ARL5B: variants seen among roughly 807,000 people sequenced by gnomAD.
The protein encoded by ARL5B is ARF like GTPase 5B.
ARL5B carries 10 observed loss-of-function variants against 26.9 expected under a neutral mutation model. The observed-to-expected ratio is 0.37, with a 90% CI of 0.23 to 0.63. ARL5B has a LOEUF of 0.63. Among genes scored for constraint, ARL5B ranks in the 30% least tolerant of loss-of-function variants. The probability of loss-of-function intolerance (pLI) is 0.62; values close to 1 mark genes in which losing one functional copy is unlikely to be tolerated. For synonymous variants in ARL5B, 87 were observed against 70.4 expected (o/e 1.24, Z -1.18); for missense variants, 167 against 213.9 (o/e 0.78, Z 1.37).
intron 3 of ARL5B, among the ~76,000 whole-genome samples, chr10:18,672,375 A>C (rs1407264361): frequency 6.6e-6 from 1 of 152,238 alleles, no homozygotes; most frequent in Non-Finnish European, 1.5e-5. Context: ...CATCACTTAA[A>C]ATAAAACAAG....
intron 1 of ARL5B, 113 bp downstream of exon 1, chr10:18,659,796 C>T: frequency 6.5e-7 from 1 of 1,532,726 alleles, no homozygotes; most frequent in Non-Finnish European, 8.8e-7. Context: ...GAGGAAGGGA[C>T]TTAGGCCAGG....
Position 18,659,622 on chromosome 10 carries a change from C to A in ARL5B, c.-16C>A, listed in dbSNP as rs767442886. On this transcript the variant is annotated 5_prime_UTR_variant, in exon 1 of 6. Transcript: ENST00000377275. ...CCTGCTGCCGAGGGACCCCGCGGCC[C>A]GCCCCGGTGCTCGTGATGGGGCTGA... 1.8e-5 allele frequency: 29 copies of A among 1,606,960 alleles called. No individual in the cohort carries two copies. Among genetic ancestry groups the A allele is most frequent in the Non-Finnish European group, 2.3e-5 (27 of 1,177,174 alleles).
intron 2 of ARL5B, 114 bp downstream of exon 2, chr10:18,666,749 T>G (rs1490880742): frequency 3.5e-6 from 3 of 852,230 alleles, no homozygotes; most frequent in African/African-American, 1.8e-5. Context: ...ATGTTTTTTG[T>G]TTTTTGTTTT....
intron 1 of ARL5B, among the ~76,000 whole-genome samples, chr10:18,664,911 T>A (rs991054913): frequency 2.0e-5 from 3 of 152,168 alleles, no homozygotes; most frequent in Admixed American, 1.3e-4. Context: ...TCATTTGAGT[T>A]GCTTCAAGAA....
intron 5 of ARL5B, 76 bp from the exon 6 acceptor site, chr10:18,675,092 A>T (rs45475404): frequency 8.1e-6 from 11 of 1,357,300 alleles, no homozygotes; most frequent in Non-Finnish European, 1.1e-5. Context: ...TTTGGTTAAG[A>T]CCTAAAAATA....
chr10:18,675,759 T>G lies in ARL5B; in HGVS notation c.*543T>G, dbSNP rs1242065212. 6.6e-6 allele frequency: 1 copy of G among 152,356 alleles called. No homozygotes were observed. The highest frequency in any genetic ancestry group is 1.5e-5 in the Non-Finnish European group (1 of 68,124). The allele number at this position is 152,356 out of a possible 1,614,324, so 9.4% of individuals were successfully genotyped here. On this transcript the variant is annotated 3_prime_UTR_variant, in exon 6 of 6. Coordinates refer to ENST00000377275, the MANE Select transcript of ARL5B (RefSeq NM_178815.5). ...TATATGTAAGGAAGATTCCACATCA[T>G]GAGTACTTGCCTTTTAACTTTCCCC...
chr10:18,667,304 G>A (rs1362610867), intron 2 of ARL5B, among the ~76,000 whole-genome samples: 4 of 152,152 alleles, frequency 2.6e-5, no homozygotes, highest in Non-Finnish European at 5.9e-5. Flanking sequence ...TGCATTAGAA[G>A]ACAGCCATCA....
At chr10:18,668,453 C>T in intron 2 of ARL5B, 77 bp from the exon 3 acceptor site, 1 of 1,511,504 alleles carries the variant, frequency 6.6e-7, no homozygotes, top group African/African-American at 1.4e-5. Flanking sequence ...GTTGATTGAT[C>T]TTAAAAATAC....
intron 3 of ARL5B, among the ~76,000 whole-genome samples, chr10:18,671,883 C>G (rs892192864): frequency 9.2e-5 from 14 of 152,128 alleles, no homozygotes; most frequent in Admixed American, 2.6e-4. Flanking sequence ...AACTCCTGGG[C>G]TCAAGCAGTC....
intron 2 of ARL5B, among the ~76,000 whole-genome samples, chr10:18,667,185 A>G (rs2059865178): frequency 6.6e-6 from 1 of 152,212 alleles, no homozygotes. Context: ...TTTCAATGCC[A>G]ATGAAATGAT....
intron 2 of ARL5B, 145 bp from the exon 3 acceptor site, chr10:18,668,385 C>T: frequency 1.3e-6 from 1 of 746,778 alleles, no homozygotes; most frequent in East Asian, 2.9e-5. Flanking sequence ...TTGATTTGCG[C>T]AAGTGTTCTC....
At chr10:18,670,215 T>G (rs1035310042) in intron 3 of ARL5B, among the ~76,000 whole-genome samples, 13 of 152,196 alleles carry the variant, frequency 8.5e-5, no homozygotes, top group Admixed American at 3.3e-4. Flanking sequence ...AGCACTGAAT[T>G]ATTTTATTGG....
intron 5 of ARL5B, among the ~76,000 whole-genome samples, chr10:18,674,551 T>A (rs569310981): frequency 6.6e-6 from 1 of 152,222 alleles, no homozygotes; most frequent in African/African-American, 2.4e-5. Flanking sequence ...TATTAGGAGG[T>A]CTTTTGGGAG....
Position 18,675,419 on chromosome 10 carries a change from A to G in ARL5B, c.*203A>G, listed in dbSNP as rs2059906389. On this transcript the variant is annotated 3_prime_UTR_variant, in exon 6 of 6. Transcript: ENST00000377275. ...TTTTAACACACTAATCTTCAGTTGG[A>G]TGAATGTAATGTATAACTATGTTTT... The G allele has an allele frequency of 3.7e-6, 2 of 541,948 alleles. No homozygotes were observed. Among genetic ancestry groups the G allele is most frequent in the Admixed American group, 3.1e-5 (1 of 31,914 alleles). The allele number at this position is 541,948 out of a possible 1,614,324, so 33.6% of individuals were successfully genotyped here. A position where few individuals can be genotyped will look rare whatever the true frequency, so the allele number is the denominator to read the frequency against.
intron 3 of ARL5B, 45 bp from the exon 4 acceptor site, chr10:18,672,577 A>G: frequency 6.9e-7 from 1 of 1,458,744 alleles, no homozygotes; most frequent in Non-Finnish European, 9.5e-7. Context: ...AAAACTTTTC[A>G]GCATCCCATT....
At chr10:18,667,367 T>A (rs1354138757) in intron 2 of ARL5B, among the ~76,000 whole-genome samples, 3 of 152,222 alleles carry the variant, frequency 2.0e-5, no homozygotes, top group Non-Finnish European at 2.9e-5. Context: ...TCAGCTACTT[T>A]GCTAAAAAGC....
In ARL5B at chr10:18,659,572, C is replaced by G; in HGVS notation, c.-66C>G. 1 of 1,521,748 alleles carries G rather than the reference C, an allele frequency of 6.6e-7. No individual in the cohort carries two copies. The highest frequency in any genetic ancestry group is 2.5e-5 in the East Asian group (1 of 40,508). The allele number at this position is 1,521,748 out of a possible 1,614,324, so 94.3% of individuals were successfully genotyped here. A position where few individuals can be genotyped will look rare whatever the true frequency, so the allele number is the denominator to read the frequency against. On this transcript the variant is annotated 5_prime_UTR_variant, in exon 1 of 6. Coordinates refer to ENST00000377275, the MANE Select transcript of ARL5B (RefSeq NM_178815.5). ...CCTCGGCTCCGCGCAGCCCGCGCCG[C>G]GGTGGGGGACCCGGCGCAGCGGCAC... is the stretch of plus-strand genomic sequence containing the variant.
intron 3 of ARL5B, among the ~76,000 whole-genome samples, chr10:18,670,871 A>T (rs533214468): frequency 2.0e-5 from 3 of 152,304 alleles, no homozygotes; most frequent in Admixed American, 6.5e-5. Context: ...TGCCATTTGC[A>T]TGAAACGTTC....
At chr10:18,669,029 A>G (rs567476256) in intron 3 of ARL5B, among the ~76,000 whole-genome samples, 18 of 152,292 alleles carry the variant, frequency 1.2e-4, no homozygotes, top group Non-Finnish European at 2.4e-4. Flanking sequence ...TTGGCCTCCC[A>G]AAGTGCTGGG....
Sources: allele counts gnomAD v4.1 joint callset (sites outside exome capture counted in the v4.1 genomes callset), GRCh38; gene constraint gnomAD v4.1.1; transcripts MANE v1.5; gene names NCBI Gene and HGNC (gene_info 2026-07-23, HGNC 2026-07-21).